The following HS3ST4 variants were observed in gnomAD, a reference collection of about 807,000 sequenced individuals.
HS3ST4 encodes the protein heparan sulfate-glucosamine 3-sulfotransferase 4.
HS3ST4 carries 17 observed loss-of-function variants against 29.2 expected under a neutral mutation model. The ratio of observed to expected loss-of-function variants is 0.58; its 90% CI spans 0.40 to 0.87. HS3ST4 has a LOEUF of 0.87. Ranked by LOEUF, HS3ST4 falls within the 40% of genes least tolerant of loss-of-function variation. HS3ST4 has a pLI of 0.00. For synonymous variants in HS3ST4, 314 were observed against 285.7 expected, an observed-to-expected ratio of 1.10 and a Z score of -1.00; for missense variants, 627 against 634.5, an observed-to-expected ratio of 0.99 and a Z score of 0.13.
chr16:26,043,281 G>T (rs981706570), intron 1 of HS3ST4, among the ~76,000 whole-genome samples: 1 of 152,124 alleles, frequency 6.6e-6, no homozygotes, highest in Non-Finnish European at 1.5e-5. Flanking sequence ...ATTTATGGAG[G>T]GTTTCAAATA....
intron 1 of HS3ST4, among the ~76,000 whole-genome samples, chr16:25,773,277 T>G (rs11862584): frequency 0.69 from 104,468 of 152,004 alleles, 36,296 homozygotes; most frequent in Middle Eastern, 0.76. Context: ...AGCACCTCCA[T>G]ATTTTTACTG....
intron 1 of HS3ST4, among the ~76,000 whole-genome samples, chr16:25,832,168 A>C (rs1446325037): frequency 6.6e-6 from 1 of 152,164 alleles, no homozygotes; most frequent in Non-Finnish European, 1.5e-5. Context: ...ACATCTTCTT[A>C]CTGATCCTTT....
At chr16:25,903,109 G>A (rs1199247158) in intron 1 of HS3ST4, among the ~76,000 whole-genome samples, 1 of 151,774 alleles carries the variant, frequency 6.6e-6, no homozygotes, top group Non-Finnish European at 1.5e-5. Context: ...ATCCATACTG[G>A]CTGGAAAGAT....
intron 1 of HS3ST4, among the ~76,000 whole-genome samples, chr16:25,788,091 G>C (rs574462024): frequency 1.3e-5 from 2 of 152,250 alleles, no homozygotes; most frequent in South Asian, 4.1e-4. Context: ...AAAAGTCCAA[G>C]AGTGTATGTG....
At chr16:26,078,313 T>G (rs1449686395) in intron 1 of HS3ST4, among the ~76,000 whole-genome samples, 9 of 152,014 alleles carry the variant, frequency 5.9e-5, no homozygotes, top group South Asian at 2.1e-4. Flanking sequence ...GATAGTTTTT[T>G]TGTGTGTGTA....
At chr16:25,905,416 G>A (rs1968169569) in intron 1 of HS3ST4, among the ~76,000 whole-genome samples, 1 of 152,172 alleles carries the variant, frequency 6.6e-6, no homozygotes, top group African/African-American at 2.4e-5. Flanking sequence ...GGTGGATGCA[G>A]CAGAGGGAAC....
chr16:25,692,909 C>T lies in HS3ST4; in HGVS notation c.492C>T (p.Ser164=). 1.3e-6 allele frequency: 2 copies of T among 1,595,976 alleles called. No homozygotes were observed. ...TGCCGGAGAGGGAAGCGCAGGAGTC[C>T]AGCACCACCGACGAGGATCTCGCAG... ...SALPEREAQE[S]STTDEDLAGR... Residue 164 remains serine (S), a synonymous_variant, in exon 1 of 2, where the codon TCC becomes TCT. Coordinates refer to ENST00000331351, the MANE Select transcript of HS3ST4 (RefSeq NM_006040.3).
rs187187517 is a variant in HS3ST4 at position 26,064,154 on chromosome 16, T to G, written c.735-71458T>G. Among the ~76,000 whole-genome samples, 103 of 152,308 alleles carry G rather than the reference T, an allele frequency of 6.8e-4. 2 individuals carry two copies. The East Asian group carries it at 0.016, about 23-fold the overall frequency. ...TGAGCCAGACAGCACAGACCCTCTT[T>G]AAGAAACCAGCCATTGTTCATCTCT... On this transcript the variant is annotated intron_variant, in intron 1 of 1. Transcript: ENST00000331351.
chr16:25,858,594 T>A (rs1967607502), intron 1 of HS3ST4, among the ~76,000 whole-genome samples: 1 of 152,190 alleles, frequency 6.6e-6, no homozygotes, highest in Non-Finnish European at 1.5e-5. Flanking sequence ...ATGCTTTTTT[T>A]TAATTTTAGT....
At chr16:26,085,526 T>G (rs1231973009) in intron 1 of HS3ST4, among the ~76,000 whole-genome samples, 1 of 151,934 alleles carries the variant, frequency 6.6e-6, no homozygotes, top group East Asian at 1.9e-4. Flanking sequence ...ATATATATGT[T>G]ATAAAAACAA....
chr16:26,109,863 C>A (rs114630678), intron 1 of HS3ST4, among the ~76,000 whole-genome samples: 3,169 of 152,064 alleles, frequency 0.021, 113 homozygotes, highest in African/African-American at 0.072. Context: ...TTAAAATAAG[C>A]AAATTAACAT....
At chr16:26,022,863 A>G (rs777565625) in intron 1 of HS3ST4, among the ~76,000 whole-genome samples, 4 of 152,144 alleles carry the variant, frequency 2.6e-5, no homozygotes, top group Admixed American at 6.5e-5. Flanking sequence ...TATTTTTAGT[A>G]GAGATGGGGT....
chr16:26,048,879 C>T (rs1177051350), intron 1 of HS3ST4, among the ~76,000 whole-genome samples: 1 of 152,022 alleles, frequency 6.6e-6, no homozygotes, highest in Non-Finnish European at 1.5e-5. Flanking sequence ...AAGTCATTCT[C>T]TTTCCATTTT....
intron 1 of HS3ST4, among the ~76,000 whole-genome samples, chr16:25,877,322 A>G (rs537547290): frequency 2.6e-5 from 4 of 152,196 alleles, no homozygotes; most frequent in African/African-American, 9.6e-5. Flanking sequence ...ATTTGCCCCT[A>G]AGTCCAATGA....
intron 1 of HS3ST4, among the ~76,000 whole-genome samples, chr16:26,054,511 T>C (rs778536540): frequency 1.3e-5 from 2 of 152,156 alleles, no homozygotes; most frequent in Non-Finnish European, 2.9e-5. Flanking sequence ...GGTGGTTCAG[T>C]GTCAGAACCA....
At chr16:25,706,090 G>C (rs957383072) in intron 1 of HS3ST4, among the ~76,000 whole-genome samples, 3 of 152,212 alleles carry the variant, frequency 2.0e-5, no homozygotes, top group East Asian at 1.9e-4. Flanking sequence ...GGCAGACTGC[G>C]TAAAGATCTG....
At chr16:26,133,290 A>T (rs1312790186) in intron 1 of HS3ST4, among the ~76,000 whole-genome samples, 1 of 152,238 alleles carries the variant, frequency 6.6e-6, no homozygotes, top group Non-Finnish European at 1.5e-5. Context: ...CCTATGAGGC[A>T]TGGCCTTTTA....
chr16:25,960,084 C>T (rs774110479), intron 1 of HS3ST4, among the ~76,000 whole-genome samples: 18 of 152,036 alleles, frequency 1.2e-4, no homozygotes, highest in Non-Finnish European at 2.2e-4. Flanking sequence ...TGCAGTAAGC[C>T]GAGATCATGC....
At chr16:25,938,930 CCAGACGTTCTG>C (rs1968545520) in intron 1 of HS3ST4, among the ~76,000 whole-genome samples, 1 of 152,188 alleles carries the variant, frequency 6.6e-6, no homozygotes, top group South Asian at 2.1e-4. Context: ...TCCTGCTAAA[CCAGACGTTCTG>C]CAAGGGGAAT....
Sources: gnomAD v4.1 joint callset for allele counts (sites outside exome capture counted in the v4.1 genomes callset) on GRCh38, gnomAD v4.1.1 for gene constraint, MANE v1.5 for transcripts, NCBI Gene and HGNC (gene_info 2026-07-23, HGNC 2026-07-21) for gene names.